Variants in CWC27 observed in about 807,000 individuals in gnomAD.
CWC27 encodes the protein spliceosome-associated protein CWC27 homolog.
CWC27 carries 47 observed loss-of-function variants against 63.6 expected under a neutral mutation model. That is an observed-to-expected ratio of 0.74 (90% CI 0.58 to 0.94). The LOEUF (loss-of-function observed/expected upper bound fraction) is 0.94. CWC27 is among the 40% of genes least tolerant of loss of function. The pLI is 0.00. For missense variants in CWC27, 495 were observed against 554.3 expected (o/e 0.89, Z 1.07); for synonymous variants, 175 against 179.8 (o/e 0.97, Z 0.22).
intron 10 of CWC27, among the ~76,000 whole-genome samples, chr5:64,850,772 C>CA (rs1746113777): frequency 6.6e-6 from 1 of 151,778 alleles, no homozygotes; most frequent in African/African-American, 2.4e-5. Context: ...AGACATTTCT[C>CA]AAAAAAAGAC....
At chr5:65,003,588 T>C (rs1215902012) in intron 13 of CWC27, among the ~76,000 whole-genome samples, 4 of 152,250 alleles carry the variant, frequency 2.6e-5, no homozygotes, top group Admixed American at 2.6e-4. Context: ...AGTTGTGGTC[T>C]AGTGGGGAAA....
chr5:64,822,945 CAA>C (rs1323969695), intron 10 of CWC27, among the ~76,000 whole-genome samples: 1 of 152,122 alleles, frequency 6.6e-6, no homozygotes, highest in African/African-American at 2.4e-5. Flanking sequence ...ACGATTAAAA[CAA>C]ATTTTATTTC....
chr5:64,907,616 C>T (rs1359291168), intron 11 of CWC27, among the ~76,000 whole-genome samples: 1 of 152,182 alleles, frequency 6.6e-6, no homozygotes, highest in Non-Finnish European at 1.5e-5. Context: ...CAAAGAGAGT[C>T]ATTTTGACTT....
intron 11 of CWC27, among the ~76,000 whole-genome samples, chr5:64,949,081 C>G (rs1252825967): frequency 1.3e-5 from 2 of 151,678 alleles, no homozygotes; most frequent in African/African-American, 4.8e-5. Flanking sequence ...GCTTAAGGTA[C>G]TTTATGGAAG....
chr5:64,864,368 G>A (rs892734631), intron 10 of CWC27, among the ~76,000 whole-genome samples: 3 of 152,166 alleles, frequency 2.0e-5, no homozygotes, highest in African/African-American at 4.8e-5. Flanking sequence ...GCCCTGGCTG[G>A]CAAGTGAATA....
At chr5:64,846,045 C>T (rs1745968757) in intron 10 of CWC27, among the ~76,000 whole-genome samples, 1 of 152,186 alleles carries the variant, frequency 6.6e-6, no homozygotes, top group Non-Finnish European at 1.5e-5. Context: ...CCAGCAGAAA[C>T]CCAGTAGGCC....
At chr5:65,010,931 C>T (rs2968210) in intron 13 of CWC27, among the ~76,000 whole-genome samples, 131,466 of 152,252 alleles carry the variant, frequency 0.86, 56,928 homozygotes, top group African/African-American at 0.93. Context: ...AAAACCAGAA[C>T]TCTAGTCAAA....
chr5:64,982,923 G>A (rs943688453), intron 13 of CWC27, among the ~76,000 whole-genome samples: 9 of 152,204 alleles, frequency 5.9e-5, no homozygotes, highest in African/African-American at 1.7e-4. Context: ...CATCAACGGC[G>A]GCATTAGATT....
At position 64,782,017 on chromosome 5, in the gene CWC27, A is replaced by G. The variant is rs373067401; in HGVS notation, c.236A>G (p.Tyr79Cys). The G allele has an allele frequency of 4.4e-5, 68 of 1,536,906 alleles. No homozygotes were observed. The highest frequency in any genetic ancestry group is 5.7e-5 in the Non-Finnish European group (64 of 1,123,804). ...ACAGGGAGTGGTGGAGAGTCTATCT[A>G]TGGAGCGCCATTCAAAGTAAGACTG... ...TGTGSGGESI[Y>C]GAPFKDEFHS... Residue 79 changes from tyrosine (Y) to cysteine (C), a missense_variant, in exon 3 of 14, where the codon TAT becomes TGT. Physicochemically the swap from Tyr to Cys is radical, Grantham distance 194 (BLOSUM62 -2). Transcript: ENST00000381070.
intron 11 of CWC27, among the ~76,000 whole-genome samples, chr5:64,939,750 A>C (rs1468251819): frequency 2.0e-5 from 3 of 152,148 alleles, no homozygotes; most frequent in African/African-American, 4.8e-5. Context: ...TGTCCCAGGG[A>C]GATGGGAGTT....
At chr5:64,943,070 A>AC (rs1561165372) in intron 11 of CWC27, among the ~76,000 whole-genome samples, 1 of 152,240 alleles carries the variant, frequency 6.6e-6, no homozygotes, top group East Asian at 1.9e-4. Context: ...AATGTTTAAA[A>AC]CAGGGCATCA....
chr5:65,013,573 G>A (rs1749998383), intron 13 of CWC27, among the ~76,000 whole-genome samples: 1 of 152,220 alleles, frequency 6.6e-6, no homozygotes, highest in African/African-American at 2.4e-5. Flanking sequence ...GGAAGCACCA[G>A]TTGTTGGAGG....
rs1442552467 is a variant in CWC27, at chr5:64,994,526, C to T, written c.1256+17288C>T. Among the ~76,000 whole-genome samples, 6 of 152,114 alleles carry T rather than the reference C, an allele frequency of 3.9e-5. No individual in the cohort carries two copies. In the East Asian group the frequency reaches 7.7e-4, roughly 20 times the overall value. ...GACATAATTTACATATAAGACAGCACACAGTTGTTATCTGTTCACTTTGAT... is the reference window on the plus strand; with the variant it reads ...GACATAATTTACATATAAGACAGCATACAGTTGTTATCTGTTCACTTTGAT... On this transcript the variant is annotated intron_variant, in intron 13 of 13. Transcript: ENST00000381070.
At chr5:64,860,669 A>C (rs941743365) in intron 10 of CWC27, among the ~76,000 whole-genome samples, 1 of 152,230 alleles carries the variant, frequency 6.6e-6, no homozygotes, top group Non-Finnish European at 1.5e-5. Flanking sequence ...AAAATTTTTG[A>C]ATGAGTATTT....
At chr5:64,778,303 C>T (rs1743531738) in intron 2 of CWC27, among the ~76,000 whole-genome samples, 1 of 151,958 alleles carries the variant, frequency 6.6e-6, no homozygotes, top group South Asian at 2.1e-4. Context: ...CTGTCTCTTG[C>T]TTTCTTTCTC....
At chr5:64,973,811 G>A (rs1348957943) in intron 12 of CWC27, among the ~76,000 whole-genome samples, 1 of 152,202 alleles carries the variant, frequency 6.6e-6, no homozygotes, top group Non-Finnish European at 1.5e-5. Flanking sequence ...AACTCAGGGA[G>A]AAAGATCCAG....
chr5:64,909,764 G>A (rs190828171), intron 11 of CWC27, among the ~76,000 whole-genome samples: 31 of 151,758 alleles, frequency 2.0e-4, no homozygotes, highest in African/African-American at 4.6e-4. Context: ...CGTAGTTCTC[G>A]TGCCAGCTCC....
At chr5:64,966,579 C>T (rs557057420) in intron 11 of CWC27, among the ~76,000 whole-genome samples, 1 of 152,212 alleles carries the variant, frequency 6.6e-6, no homozygotes, top group Admixed American at 6.5e-5. Flanking sequence ...CTATCTCACT[C>T]ATATAGTAAA....
chr5:64,928,520 A>C (rs1748165331), intron 11 of CWC27, among the ~76,000 whole-genome samples: 1 of 152,128 alleles, frequency 6.6e-6, no homozygotes, highest in Non-Finnish European at 1.5e-5. Context: ...CCTTTTCAGG[A>C]TCTTAATTTT....
Sources: gnomAD v4.1 joint callset for allele counts (sites outside exome capture counted in the v4.1 genomes callset) on GRCh38, gnomAD v4.1.1 for gene constraint, MANE v1.5 for transcripts, NCBI Gene and HGNC (gene_info 2026-07-23, HGNC 2026-07-21) for gene names.